PRDM1: variants seen among roughly 807,000 people sequenced by gnomAD.
The protein encoded by PRDM1 is PR domain zinc finger protein 1.
A neutral mutation model predicts 62.8 loss-of-function variants in PRDM1; 13 were observed. That is an observed-to-expected ratio of 0.21 (90% CI 0.13 to 0.33). The LOEUF is 0.33. Ranked by LOEUF, PRDM1 falls within the 10% of genes least tolerant of loss-of-function variation. The pLI is 1.00. For synonymous variants in PRDM1, 396 were observed against 417.6 expected, an observed-to-expected ratio of 0.95 and a Z score of 0.63; for missense variants, 895 against 1,058.8, an observed-to-expected ratio of 0.85 and a Z score of 2.15.
intron 1 of PRDM1, among the ~76,000 whole-genome samples, chr6:106,022,721 G>A (rs1582429055): frequency 6.6e-6 from 1 of 152,108 alleles, no homozygotes; most frequent in Admixed American, 6.6e-5. Flanking sequence ...CACCCGCCCA[G>A]CCTTTTTAAT....
chr6:106,041,809 CT>C (rs537352355), intron 1 of PRDM1, among the ~76,000 whole-genome samples: 37,935 of 128,768 alleles, frequency 0.29, 4,711 homozygotes, highest in Non-Finnish European at 0.37. Flanking sequence ...GTATTTCTTT[CT>C]TTTTTTTTTT....
intron 1 of PRDM1, among the ~76,000 whole-genome samples, chr6:106,060,669 A>ATGTAATTTGAGGAATT (rs1773331648): frequency 6.6e-6 from 1 of 152,126 alleles, no homozygotes; most frequent in Non-Finnish European, 1.5e-5. Flanking sequence ...GGAAGAGCTG[A>ATGTAATTTGAGGAATT]TGTAATTTGA....
intron 1 of PRDM1, among the ~76,000 whole-genome samples, chr6:106,034,271 G>T (rs535118839): frequency 2.0e-5 from 3 of 151,046 alleles, no homozygotes; most frequent in Non-Finnish European, 2.9e-5. Flanking sequence ...TGCTCTAATC[G>T]TTATTATTTC....
intron 2 of PRDM1, among the ~76,000 whole-genome samples, chr6:106,091,940 CAG>C (rs1347753921): frequency 3.3e-5 from 5 of 152,080 alleles, no homozygotes; most frequent in Non-Finnish European, 5.9e-5. Flanking sequence ...ATGGTCAAAA[CAG>C]AATTATAATC....
chr6:106,086,506 A>C lies in PRDM1; in HGVS notation c.-48A>C. 3 of 1,520,704 alleles carry C rather than the reference A, an allele frequency of 2.0e-6. No individual in the cohort carries two copies. The highest frequency in any genetic ancestry group is 1.8e-6 in the Non-Finnish European group (2 of 1,121,596). 94.2% of individuals were successfully genotyped at this position (1,520,704 alleles called of 1,614,324 possible). On this transcript the variant is annotated 5_prime_UTR_variant, in exon 1 of 7. Coordinates refer to ENST00000369096, the MANE Select transcript of PRDM1 (RefSeq NM_001198.4). ...TCTGTGCGGCTCAGCCTGGCGGGGG[A>C]CGCGGGGAGAATGTGGACTGGGTAG...
intron 1 of PRDM1, among the ~76,000 whole-genome samples, chr6:106,039,941 A>G (rs1372841122): frequency 2.6e-5 from 4 of 152,138 alleles, no homozygotes; most frequent in Non-Finnish European, 5.9e-5. Flanking sequence ...TGCCAGTGAT[A>G]TTTTTCTGGC....
At chr6:106,052,768 C>T (rs62420733) in intron 1 of PRDM1, among the ~76,000 whole-genome samples, 2,301 of 152,094 alleles carry the variant, frequency 0.015, 43 homozygotes, top group African/African-American at 0.041. Context: ...GTCAGGAGAT[C>T]GAGACCATCC....
rs372829304 is a variant in PRDM1 at position 106,055,622 on chromosome 6, AT to A, written c.-67+6909del. ...GACCTTGTGTCTCCCTAACTTGCCAATATCTATTTGTTGAGTGTTGCAAGAG... is the reference window on the plus strand; with the variant it reads ...GACCTTGTGTCTCCCTAACTTGCCAAATCTATTTGTTGAGTGTTGCAAGAG... On this transcript the variant is annotated intron_variant, in intron 1 of 6. Coordinates refer to the PRDM1 transcript ENST00000651185. 4.7e-4 allele frequency among the ~76,000 whole-genome samples: 72 copies of A among 152,348 alleles called. 2 individuals carry two copies. The South Asian group carries it at 0.014, about 29-fold the overall frequency.
chr6:106,033,713 A>G (rs564577085), intron 1 of PRDM1, among the ~76,000 whole-genome samples: 2 of 152,212 alleles, frequency 1.3e-5, no homozygotes, highest in East Asian at 1.9e-4. Context: ...GTTTTCTTGT[A>G]GTGTCTTTGA....
intron 1 of PRDM1, among the ~76,000 whole-genome samples, chr6:105,995,773 C>A (rs570365735): frequency 3.3e-5 from 5 of 151,820 alleles, no homozygotes; most frequent in African/African-American, 1.2e-4. Flanking sequence ...TTAGGAGGCA[C>A]AATGAAGTTT....
intron 1 of PRDM1, among the ~76,000 whole-genome samples, chr6:106,038,846 A>G (rs554345849): frequency 1.8e-4 from 27 of 152,326 alleles, no homozygotes; most frequent in Non-Finnish European, 3.4e-4. Context: ...TAGAGGTTGC[A>G]TGAGTTCCAA....
At chr6:106,042,862 G>C (rs1489346617) in intron 1 of PRDM1, among the ~76,000 whole-genome samples, 3 of 152,038 alleles carry the variant, frequency 2.0e-5, no homozygotes, top group African/African-American at 7.2e-5. Context: ...AACACATTTT[G>C]GGGGGAGGAT....
chr6:106,016,356 CT>C (rs1017026629), intron 1 of PRDM1, among the ~76,000 whole-genome samples: 3 of 151,964 alleles, frequency 2.0e-5, no homozygotes, highest in African/African-American at 7.2e-5. Flanking sequence ...TTTTTATTTA[CT>C]TTTTAAAAAT....
In PRDM1 at chr6:106,094,906, A is replaced by AACAC. The variant is rs3833460; in HGVS notation, c.292-686_292-683dup. ...TGATAGTGGGAGACCTTGTCTTTAA[A>AACAC]ACACACACACACACACACACACACA... is the stretch of plus-strand genomic sequence containing the variant. On this transcript the variant is annotated intron_variant, in intron 2 of 6. Transcript: ENST00000369096. Among the ~76,000 whole-genome samples, 221 of 88,840 alleles carry AACAC rather than the reference A, an allele frequency of 2.5e-3. 1 individual carries two copies. The highest frequency in any genetic ancestry group is 7.1e-3 in the African/African-American group (201 of 28,502). The allele number at this position is 88,840 out of a possible 152,430, so 58.3% of individuals were successfully genotyped here.
chr6:106,082,384 C>T (rs1292025799), upstream of PRDM1, among the ~76,000 whole-genome samples: 2 of 152,086 alleles, frequency 1.3e-5, no homozygotes, highest in Admixed American at 1.3e-4. Flanking sequence ...ACCTTGGTTT[C>T]CCCACAAGTC....
At chr6:106,009,069 C>T (rs1451925359) in intron 1 of PRDM1, among the ~76,000 whole-genome samples, 1 of 152,198 alleles carries the variant, frequency 6.6e-6, no homozygotes, top group East Asian at 1.9e-4. Flanking sequence ...TATGTCTACC[C>T]TTTCGCTCAC....
chr6:106,058,160 A>G (rs1308985564), intron 1 of PRDM1, among the ~76,000 whole-genome samples: 1 of 152,186 alleles, frequency 6.6e-6, no homozygotes, highest in Non-Finnish European at 1.5e-5. Flanking sequence ...TTGAGCTGCT[A>G]TACAAAGTAC....
At chr6:106,090,880 CTT>C (rs780599783) in intron 2 of PRDM1, among the ~76,000 whole-genome samples, 46 of 136,954 alleles carry the variant, frequency 3.4e-4, no homozygotes, top group Middle Eastern at 3.6e-3. Context: ...GTGTCAGCAC[CTT>C]TTTTTTTTTT....
chr6:105,998,937 T>C (rs945661435), intron 1 of PRDM1, among the ~76,000 whole-genome samples: 1 of 16,928 alleles, frequency 5.9e-5, no homozygotes, highest in East Asian at 5.3e-3. Flanking sequence ...ATATATATTT[T>C]TTTTTTTTTT....
Sources: allele counts gnomAD v4.1 joint callset (sites outside exome capture counted in the v4.1 genomes callset), GRCh38; gene constraint gnomAD v4.1.1; transcripts MANE v1.5; gene names NCBI Gene and HGNC (gene_info 2026-07-23, HGNC 2026-07-21).